NPRL3: variants seen among roughly 807,000 people sequenced by gnomAD.
NPRL3 encodes the protein GATOR1 complex protein NPRL3.
Under a neutral mutation model 57.2 loss-of-function variants are expected in NPRL3, and 23 were observed. The observed-to-expected ratio is 0.40, with a 90% CI of 0.29 to 0.57. The LOEUF is 0.57. Ranked by LOEUF, NPRL3 falls within the 20% of genes least tolerant of loss-of-function variation. NPRL3 has a pLI of 0.42. For synonymous variants in NPRL3, 333 were observed against 321.1 expected, an observed-to-expected ratio of 1.04 and a Z score of -0.39; for missense variants, 691 against 767.1, an observed-to-expected ratio of 0.90 and a Z score of 1.17.
chr16:85,479 T>G lies in NPRL3; in HGVS notation c.*1226A>C, dbSNP rs535370395. 10 of 1,613,108 alleles carry G rather than the reference T, an allele frequency of 6.2e-6. No homozygotes were observed. The African/African-American group carries it at 9.3e-5, about 15-fold the overall frequency. ...ACCATGCGTCAGCTTCGCAGCACCC[T>G]CCGGAAAGGCACCGCCAGCCGTGTC... On this transcript the variant is annotated 3_prime_UTR_variant, in exon 14 of 14. Coordinates refer to ENST00000611875, the MANE Select transcript of NPRL3 (RefSeq NM_001077350.3).
At chr16:110,122 A>T (rs1899729717) in intron 7 of NPRL3, among the ~76,000 whole-genome samples, 1 of 152,016 alleles carries the variant, frequency 6.6e-6, no homozygotes, top group South Asian at 2.1e-4. Context: ...ATACACAACT[A>T]GCCGGGTGTG....
At position 117,643 on chromosome 16, in the gene NPRL3, G is replaced by A. The variant is rs1900102260; in HGVS notation, c.319-268C>T. Among the ~76,000 whole-genome samples, 3 of 152,194 alleles carry A rather than the reference G, an allele frequency of 2.0e-5. No individual in the cohort carries two copies. In the South Asian group the frequency reaches 6.2e-4, roughly 31 times the overall value. ...CCCACAGGGGACGAGATGGAGAGGG[G>A]CATAAATGGGTGGAGGACCCAGACC... On this transcript the variant is annotated intron_variant, in intron 4 of 13. Coordinates refer to ENST00000611875, the MANE Select transcript of NPRL3 (RefSeq NM_001077350.3).
At chr16:92,993 G>T in intron 10 of NPRL3, 1 of 613,472 alleles carries the variant, frequency 1.6e-6, no homozygotes, top group Non-Finnish European at 2.9e-6. Flanking sequence ...CTGGAGGAGG[G>T]GGCCAGGCAT....
At chr16:99,372 A>T (rs1419097325) in intron 8 of NPRL3, among the ~76,000 whole-genome samples, 1 of 152,208 alleles carries the variant, frequency 6.6e-6, no homozygotes, top group African/African-American at 2.4e-5. Flanking sequence ...TTGCCAGGGC[A>T]TGGTGGCTAA....
At chr16:87,556 C>T (rs1410202063) in intron 13 of NPRL3, among the ~76,000 whole-genome samples, 10 of 133,470 alleles carry the variant, frequency 7.5e-5, no homozygotes, top group African/African-American at 1.1e-4. Context: ...TTTTTTGAGA[C>T]GGAGTCTCGC....
intron 11 of NPRL3, 105 bp from the exon 12 acceptor site, chr16:90,007 CT>C: frequency 3.6e-6 from 4 of 1,102,440 alleles, no homozygotes; most frequent in Non-Finnish European, 5.0e-6. Flanking sequence ...GCTCCCTGTG[CT>C]GACGCACAGG....
Position 86,848 on chromosome 16 carries a change from G to A in NPRL3, c.1567C>T (p.Arg523Cys), listed in dbSNP as rs189283988. Residue 523 changes from arginine to cysteine, a missense_variant, in exon 14 of 14, where the codon CGC becomes TGC. Arg to Cys is a radical substitution (Grantham distance 180, BLOSUM62 -3). Transcript: ENST00000611875. The part of the protein sequence containing the change: ...FARLLHYFRG[R>C]HHLEEIMYNE... ...TACATAATCTCCTCCAGGTGGTGGC[G>A]GCCGCGGAAGTAGTGAAGGAGCCTG... is the stretch of plus-strand genomic sequence containing the variant. 1.1e-4 allele frequency: 177 copies of A among 1,613,232 alleles called. No individual in the cohort carries two copies. Among genetic ancestry groups the A allele is most frequent in the East Asian group, 2.5e-4 (11 of 44,872 alleles).
chr16:100,090 G>A (rs1037911737), intron 8 of NPRL3, among the ~76,000 whole-genome samples: 29 of 151,730 alleles, frequency 1.9e-4, no homozygotes, highest in Middle Eastern at 3.4e-3. Context: ...CCAGCCCTCC[G>A]GCCTCCCCAA....
At chr16:100,844 G>C (rs190648272) in intron 7 of NPRL3, among the ~76,000 whole-genome samples, 1 of 150,214 alleles carries the variant, frequency 6.7e-6, no homozygotes, top group Non-Finnish European at 1.5e-5. Flanking sequence ...GGTGGCGGGC[G>C]CCTGTAGTCC....
intron 7 of NPRL3, among the ~76,000 whole-genome samples, chr16:107,583 A>G (rs1899590203): frequency 8.0e-6 from 1 of 124,248 alleles, no homozygotes; most frequent in South Asian, 2.9e-4. Flanking sequence ...CAACAGAAGG[A>G]TATTCCATCT....
chr16:121,900 G>A (rs1050527614), intron 3 of NPRL3, among the ~76,000 whole-genome samples: 7 of 145,270 alleles, frequency 4.8e-5, no homozygotes, highest in Non-Finnish European at 7.6e-5. Flanking sequence ...TCAGCCTCCC[G>A]AGTAGCTGCG....
intron 5 of NPRL3, among the ~76,000 whole-genome samples, chr16:115,854 C>T (rs1262781560): frequency 6.6e-6 from 1 of 152,220 alleles, no homozygotes; most frequent in Admixed American, 6.5e-5. Flanking sequence ...CCATTTCTCA[C>T]CCTTGATGGC....
At position 117,235 on chromosome 16, in the gene NPRL3, G is replaced by A. The variant is rs1034728569; in HGVS notation, c.393+66C>T. The A allele has an allele frequency of 3.4e-6, 4 of 1,173,124 alleles. No individual in the cohort carries two copies. In the Admixed American group the frequency reaches 6.1e-5, roughly 18 times the overall value. The allele number at this position is 1,173,124 out of a possible 1,614,324, so 72.7% of individuals were successfully genotyped here. A position where few individuals can be genotyped will look rare whatever the true frequency, so the allele number is the denominator to read the frequency against. ...GCTCCGAGTCAATGACACGCTCGTT[G>A]GAAAAAAAGAGCTGCTTCTCCACTG... On this transcript the variant is annotated intron_variant, in intron 5 of 13. Coordinates refer to ENST00000611875, the MANE Select transcript of NPRL3 (RefSeq NM_001077350.3).
chr16:99,058 G>C (rs935207615), intron 8 of NPRL3, among the ~76,000 whole-genome samples: 1 of 152,212 alleles, frequency 6.6e-6, no homozygotes, highest in Non-Finnish European at 1.5e-5. Flanking sequence ...GCAAACATCT[G>C]TTGATTGAAG....
At chr16:126,592 CCACA>C (rs1900530204) in intron 3 of NPRL3, among the ~76,000 whole-genome samples, 1 of 152,100 alleles carries the variant, frequency 6.6e-6, no homozygotes, top group Admixed American at 6.6e-5. Context: ...AAGACGGTGT[CCACA>C]CAGAGAGGGA....
chr16:92,191 G>A (rs1898789038), intron 11 of NPRL3, among the ~76,000 whole-genome samples: 1 of 152,184 alleles, frequency 6.6e-6, no homozygotes. Context: ...AACTCTCAGA[G>A]GGTCAGGCCT....
intron 2 of NPRL3, among the ~76,000 whole-genome samples, chr16:137,098 T>C (rs1009225168): frequency 1.4e-5 from 2 of 146,952 alleles, no homozygotes; most frequent in African/African-American, 5.0e-5. Context: ...ACATGCCCTG[T>C]AGCCCCAGCT....
rs1038155546 is a variant in NPRL3 at position 89,731 on chromosome 16, G to A, written c.1333C>T (p.Leu445Phe). The A allele has an allele frequency of 1.3e-6, 2 of 1,585,500 alleles. No individual in the cohort carries two copies. Among genetic ancestry groups the A allele is most frequent in the Non-Finnish European group, 1.7e-6 (2 of 1,170,154 alleles). ...GTCCTACTTGGGGAGCCAAAGCTGA[G>A]GGCGTTGGGCGTGCTGAGGCTGCGA... ...GGRSLSTPNA[L>F]SFGSPTSSDD... The change falls in exon 12 of 14, where the codon CTC (leucine) becomes TTC (phenylalanine). Residue 445 changes from leucine to phenylalanine, a missense_variant. Physicochemically the swap from Leu to Phe is conservative, Grantham distance 22. Coordinates refer to ENST00000611875, the MANE Select transcript of NPRL3 (RefSeq NM_001077350.3).
intron 9 of NPRL3, among the ~76,000 whole-genome samples, chr16:94,769 G>A (rs548330946): frequency 2.4e-4 from 37 of 152,100 alleles, no homozygotes; most frequent in Middle Eastern, 3.4e-3. Flanking sequence ...CTCCATCACC[G>A]CCCTGTTCCC....
Sources: allele counts gnomAD v4.1 joint callset (sites outside exome capture counted in the v4.1 genomes callset), GRCh38; gene constraint gnomAD v4.1.1; transcripts MANE v1.5; gene names NCBI Gene and HGNC (gene_info 2026-07-23, HGNC 2026-07-21).